Variants in CHRNB4 observed in about 807,000 individuals in gnomAD.
CHRNB4 encodes the protein cholinergic receptor nicotinic beta 4 subunit.
Under a neutral mutation model 40.4 loss-of-function variants are expected in CHRNB4, and 23 were observed. The ratio of observed to expected loss-of-function variants is 0.57; its 90% CI spans 0.41 to 0.81. The LOEUF is 0.81. Among genes scored for constraint, CHRNB4 ranks in the 30% least tolerant of loss-of-function variants. The pLI, the probability that CHRNB4 is intolerant of heterozygous loss-of-function variation, is 0.00. For synonymous variants in CHRNB4, 285 were observed against 274.4 expected, an observed-to-expected ratio of 1.04 and a Z score of -0.38; for missense variants, 568 against 670.6, an observed-to-expected ratio of 0.85 and a Z score of 1.69.
At chr15:78,656,411 T>G (rs7166158) in exon 4 of CHRNB4, 69 of 151,230 alleles carry the variant, frequency 4.6e-4, no homozygotes, top group African/African-American at 1.6e-3. Flanking sequence ...ACAAAAATGT[T>G]CTACACTCAT....
intron 1 of CHRNB4, among the ~76,000 whole-genome samples, chr15:78,658,831 C>T (rs1201133479): frequency 6.6e-6 from 1 of 152,150 alleles, no homozygotes; most frequent in African/African-American, 2.4e-5. Flanking sequence ...CCAAGACCCT[C>T]CCCCAGAAAT....
In CHRNB4 at chr15:78,638,673, TG is replaced by T. The variant is rs1192342977; in HGVS notation, c.55+2405del. On this transcript the variant is annotated intron_variant, in intron 1 of 5. Coordinates refer to ENST00000261751, the MANE Select transcript of CHRNB4 (RefSeq NM_000750.5). The stretch of plus-strand genomic sequence containing the variant: ...GGGTGGGAATAAACAGCAGGGATAC[TG>T]GGGACTGGAATGCACCCCACTTGCC... 3.3e-5 allele frequency among the ~76,000 whole-genome samples: 5 copies of T among 152,284 alleles called. No homozygotes were observed. The East Asian group carries it at 9.6e-4, about 29-fold the overall frequency.
intron 1 of CHRNB4, among the ~76,000 whole-genome samples, chr15:78,640,751 T>A (rs772491475): frequency 1.6e-4 from 24 of 152,206 alleles, no homozygotes; most frequent in Non-Finnish European, 3.2e-4. Context: ...CCCAGACTGC[T>A]GGGGATGACC....
At chr15:78,637,219 G>A (rs372594949) in intron 1 of CHRNB4, among the ~76,000 whole-genome samples, 2 of 152,244 alleles carry the variant, frequency 1.3e-5, no homozygotes, top group East Asian at 1.9e-4. Context: ...GCATACCCCC[G>A]ATCCCTTGCC....
At chr15:78,645,281 T>G (rs1048691377), upstream of CHRNB4, among the ~76,000 whole-genome samples, 1 of 152,164 alleles carries the variant, frequency 6.6e-6, no homozygotes, top group Non-Finnish European at 1.5e-5. Context: ...GCCTTTCTCT[T>G]GGATGCCACA....
At chr15:78,659,292 G>T (rs1596127438) in intron 1 of CHRNB4, among the ~76,000 whole-genome samples, 1 of 152,128 alleles carries the variant, frequency 6.6e-6, no homozygotes, top group South Asian at 2.1e-4. Context: ...ACGCTAGCTG[G>T]GTATGATGGT....
chr15:78,624,848 G>A lies in CHRNB4; in HGVS notation c.*285C>T, dbSNP rs2053613396. On this transcript the variant is annotated 3_prime_UTR_variant, in exon 6 of 6. Coordinates refer to ENST00000261751, the MANE Select transcript of CHRNB4 (RefSeq NM_000750.5). ...CCTGAAGCATAGTAGGTGCTGCTAC[G>A]AAGTCATCTTTATCCCCATTGCCCG... is the stretch of plus-strand genomic sequence containing the variant. 7 of 996,648 alleles carry A rather than the reference G, an allele frequency of 7.0e-6. No individual in the cohort carries two copies. Among genetic ancestry groups the A allele is most frequent in the South Asian group, 1.9e-5 (1 of 53,526 alleles). 61.7% of individuals were successfully genotyped at this position (996,648 alleles called of 1,614,324 possible).
chr15:78,640,939 C>T, intron 1 of CHRNB4, 140 bp downstream of exon 1: 1 of 1,000,320 alleles, frequency 1.0e-6, no homozygotes, highest in Non-Finnish European at 1.4e-6. Context: ...TCAGCCCTGC[C>T]CACGCCCCCA....
At chr15:78,633,497 AGG>A (rs2053878664) in intron 2 of CHRNB4, among the ~76,000 whole-genome samples, 2 of 152,212 alleles carry the variant, frequency 1.3e-5, no homozygotes, top group Non-Finnish European at 2.9e-5. Context: ...GTTGGTGGGA[AGG>A]GAGGAGGGAG....
In CHRNB4 at chr15:78,629,206, C is replaced by T. The variant is rs1183972358; in HGVS notation, c.1099G>A (p.Val367Met). The change falls in exon 5 of 6, where the codon GTG becomes ATG. Residue 367 changes from valine (V) to methionine (M), a missense_variant. Physicochemically the swap from Val to Met is conservative, Grantham distance 21. Around this residue, in one of 4 missense-constraint regions of CHRNB4, gnomAD observed 242 missense variants for 274.9 expected, o/e 0.88. Transcript: ENST00000261751. This position sits in a 1 kb window ranked among gnomAD's most constrained non-coding sequence, Gnocchi z 6.8. ...ARAFPPSKSC[V>M]TKPEATATST... ...GTGGCGGTGGCCTCGGGCTTGGTCA[C>T]GCATGACTTGCTGGGCGGGAAGGCT... 4.3e-6 allele frequency: 7 copies of T among 1,613,578 alleles called. No individual in the cohort carries two copies. The highest frequency in any genetic ancestry group is 5.1e-6 in the Non-Finnish European group (6 of 1,179,720).
Position 78,639,647 on chromosome 15 carries a change from C to T in CHRNB4, c.55+1432G>A, listed in dbSNP as rs549237188. On this transcript the variant is annotated intron_variant, in intron 1 of 5. Coordinates refer to ENST00000261751, the MANE Select transcript of CHRNB4 (RefSeq NM_000750.5). ...TTTATCTTTTATAAAGAGCTTATTA[C>T]ATACTATTAGTGCTTCTTCAATCAT... Among the ~76,000 whole-genome samples, 7 of 152,284 alleles carry T rather than the reference C, an allele frequency of 4.6e-5. No homozygotes were observed. The South Asian group carries it at 1.5e-3, about 32-fold the overall frequency.
rs141178732 is a variant in CHRNB4, at chr15:78,636,793, C to T, written c.56-1206G>A. On this transcript the variant is annotated intron_variant, in intron 1 of 5. Coordinates refer to ENST00000261751, the MANE Select transcript of CHRNB4 (RefSeq NM_000750.5). Reference sequence around the variant, plus strand: ...GACTCTTTCTTCTGCCAAGATTGCCCCCAGCCCACCAGTTATGAATTATCT... The same window carrying T: ...GACTCTTTCTTCTGCCAAGATTGCCTCCAGCCCACCAGTTATGAATTATCT... Among the ~76,000 whole-genome samples, 490 of 152,230 alleles carry T rather than the reference C, an allele frequency of 3.2e-3. 3 individuals are homozygous for T. The highest frequency in any genetic ancestry group is 0.011 in the African/African-American group (469 of 41,514).
At chr15:78,627,745 A>C (rs1429687952) in intron 5 of CHRNB4, 2 of 152,330 alleles carry the variant, frequency 1.3e-5, no homozygotes, top group South Asian at 2.1e-4. Flanking sequence ...TCACCACCAC[A>C]TTCTGTGTTG....
At chr15:78,630,453 A>G (rs568900532) in intron 4 of CHRNB4, among the ~76,000 whole-genome samples, 2 of 152,280 alleles carry the variant, frequency 1.3e-5, no homozygotes, top group Admixed American at 1.3e-4. Context: ...AGCACTCTTA[A>G]GGCTTCCCAT....
intron 1 of CHRNB4, among the ~76,000 whole-genome samples, chr15:78,658,565 A>G (rs1187780200): frequency 6.6e-6 from 1 of 152,182 alleles, no homozygotes. Context: ...GCATCAAGAA[A>G]GTTGTAATTA....
Position 78,625,096 on chromosome 15 carries a change from C to G in CHRNB4, c.*37G>C, listed in dbSNP as rs1276515955. 1.2e-6 allele frequency: 2 copies of G among 1,613,474 alleles called. No homozygotes were observed. The highest frequency in any genetic ancestry group is 1.7e-6 in the Non-Finnish European group (2 of 1,180,002). ...AAGAAGCAGCAAAGTGCCCACCCGG[C>G]CACTCACATCCTCTCACCCCACAAC... On this transcript the variant is annotated 3_prime_UTR_variant, in exon 6 of 6. Coordinates refer to ENST00000261751, the MANE Select transcript of CHRNB4 (RefSeq NM_000750.5).
rs572602818 is a variant in CHRNB4 at position 78,654,275 on chromosome 15, A to G, written c.-110+1269T>C. On this transcript the variant is annotated intron_variant and NMD_transcript_variant, in intron 5 of 11. Coordinates refer to the CHRNB4 transcript ENST00000559849. ...TGCTGGGTGCTCCACGTAAGGGCAG[A>G]TGTTGATTTTTAAGTCTGCCCTGAT... Among the ~76,000 whole-genome samples the G allele has an allele frequency of 2.0e-5, 3 of 152,324 alleles. No individual in the cohort carries two copies. The South Asian group carries it at 6.2e-4, about 32-fold the overall frequency.
rs147035336 is a variant in CHRNB4 at position 78,635,458 on chromosome 15, A to G, written c.185T>C (p.Leu62Pro). 3 of 1,614,036 alleles carry G rather than the reference A, an allele frequency of 1.9e-6. No individual in the cohort carries two copies. The part of the protein sequence containing the change: ...QLISIKLQLS[L>P]AQLISVNERE... ...ACCTACCACGCTGATAAGCTGGGCC[A>G]GGGAGAGCTGCAGCTTGATGGAGAT... The change falls in exon 2 of 6, where the codon CTG becomes CCG. Residue 62 changes from leucine (L) to proline (P), a missense_variant. Leu to Pro is a moderately conservative substitution (Grantham distance 98, BLOSUM62 -3). This residue lies in a region of CHRNB4 where 161 missense variants were observed against 148.1 expected (regional missense o/e 1.09). Coordinates refer to ENST00000261751, the MANE Select transcript of CHRNB4 (RefSeq NM_000750.5).
At chr15:78,641,300 G>C, upstream of CHRNB4, 1 of 565,848 alleles carries the variant, frequency 1.8e-6, no homozygotes, top group South Asian at 2.9e-5. Flanking sequence ...CCCACTCAGG[G>C]ATGTACTGGG....
Sources: allele counts gnomAD v4.1 joint callset (sites outside exome capture counted in the v4.1 genomes callset), GRCh38; gene constraint gnomAD v4.1.1; regional missense constraint gnomAD v4.1.1; non-coding constraint Gnocchi (gnomAD v3.1); transcripts MANE v1.5; gene names NCBI Gene and HGNC (gene_info 2026-07-23, HGNC 2026-07-21).